The following EFCAB6 variants were observed in gnomAD, a reference collection of about 807,000 sequenced individuals.
EFCAB6 encodes EF-hand calcium binding domain 6.
Under a neutral mutation model 169.8 loss-of-function variants are expected in EFCAB6, and 156 were observed. The observed-to-expected ratio is 0.92, with a 90% CI of 0.81 to 1.05. EFCAB6 has a LOEUF of 1.05. EFCAB6 is among the 50% of genes least tolerant of loss of function. The pLI, the probability that EFCAB6 is intolerant of heterozygous loss-of-function variation, is 0.00. For synonymous variants in EFCAB6, 698 were observed against 676.4 expected (o/e 1.03, Z -0.50); for missense variants, 1,800 against 1,829.1 (o/e 0.98, Z 0.29).
intron 17 of EFCAB6, among the ~76,000 whole-genome samples, chr22:43,639,849 T>C (rs1453495425): frequency 6.6e-6 from 1 of 152,160 alleles, no homozygotes; most frequent in Non-Finnish European, 1.5e-5. Context: ...AAAAAATTTT[T>C]CTCTCTCCTC....
intron 4 of EFCAB6, among the ~76,000 whole-genome samples, chr22:43,768,040 G>C (rs2147944613): frequency 6.6e-6 from 1 of 152,346 alleles, no homozygotes; most frequent in Middle Eastern, 3.4e-3. Flanking sequence ...TATCTTGCAA[G>C]AAGACATTTT....
At chr22:43,691,761 A>G (rs994631023) in intron 10 of EFCAB6, among the ~76,000 whole-genome samples, 9 of 152,210 alleles carry the variant, frequency 5.9e-5, no homozygotes, top group Non-Finnish European at 1.0e-4. Flanking sequence ...TCTTCCAATA[A>G]TGGTAAAATA....
rs1188677409 is a variant in EFCAB6 at position 43,572,713 on chromosome 22, T to A, written c.3420+3584A>T. 6.6e-6 allele frequency among the ~76,000 whole-genome samples: 1 copy of A among 152,190 alleles called. No individual in the cohort carries two copies. Among genetic ancestry groups the A allele is most frequent in the African/African-American group, 2.4e-5 (1 of 41,454 alleles). Reference sequence around the variant, plus strand: ...TCACCCCTCGACAGGCCCTCCCTTCTGCTCTGCTCCATTTTTCTCCCAGCT... The same window carrying A: ...TCACCCCTCGACAGGCCCTCCCTTCAGCTCTGCTCCATTTTTCTCCCAGCT... On this transcript the variant is annotated intron_variant, in intron 26 of 31. Transcript: ENST00000262726. This position sits in a 1 kb window ranked among gnomAD's most constrained non-coding sequence, Gnocchi z 4.0.
chr22:43,766,677 GCTGATT>G (rs2061336037), intron 4 of EFCAB6, among the ~76,000 whole-genome samples: 1 of 151,942 alleles, frequency 6.6e-6, no homozygotes, highest in Non-Finnish European at 1.5e-5. Context: ...ACCACACCCG[GCTGATT>G]TTTGTATTTT....
At chr22:43,689,020 G>A (rs888047445) in intron 10 of EFCAB6, among the ~76,000 whole-genome samples, 4 of 152,124 alleles carry the variant, frequency 2.6e-5, no homozygotes, top group Admixed American at 1.3e-4. Context: ...TGGTATGCTT[G>A]AGTCCCAACC....
chr22:43,629,806 G>T (rs1377108830), intron 19 of EFCAB6, among the ~76,000 whole-genome samples: 1 of 152,084 alleles, frequency 6.6e-6, no homozygotes, highest in East Asian at 1.9e-4. Flanking sequence ...GGGGTGAGGG[G>T]TCTTGTGGGC....
chr22:43,602,161 G>A (rs988590955), intron 22 of EFCAB6, among the ~76,000 whole-genome samples: 1 of 152,254 alleles, frequency 6.6e-6, no homozygotes, highest in African/African-American at 2.4e-5. Flanking sequence ...TCTCAGGACA[G>A]TGCCCCGCCC....
intron 27 of EFCAB6, 127 bp from the exon 28 acceptor site, chr22:43,540,484 G>C: frequency 3.9e-6 from 6 of 1,526,638 alleles, no homozygotes; most frequent in African/African-American, 1.4e-5. Flanking sequence ...TGGTGAAGAA[G>C]AAAATTAAAA....
chr22:43,528,809 C>G lies in EFCAB6; in HGVS notation c.*44G>C. Reference sequence around the variant, plus strand: ...TTATAGGATTTTATTAGCCTTGAAACAGGCCCTGTGGCTGTCGTCCCGCTG... The same window carrying G: ...TTATAGGATTTTATTAGCCTTGAAAGAGGCCCTGTGGCTGTCGTCCCGCTG... On this transcript the variant is annotated 3_prime_UTR_variant, in exon 32 of 32. Coordinates refer to ENST00000262726, the MANE Select transcript of EFCAB6 (RefSeq NM_022785.4). 6.5e-7 allele frequency: 1 copy of G among 1,535,532 alleles called. No individual in the cohort carries two copies. The highest frequency in any genetic ancestry group is 8.9e-7 in the Non-Finnish European group (1 of 1,125,368).
chr22:43,645,032 C>A (rs534676109), intron 17 of EFCAB6, among the ~76,000 whole-genome samples: 3 of 152,304 alleles, frequency 2.0e-5, no homozygotes, highest in Admixed American at 2.0e-4. Context: ...TAGTAGGAAT[C>A]CGGAAGTATT....
At chr22:43,679,368 AT>A (rs1198882140) in intron 12 of EFCAB6, among the ~76,000 whole-genome samples, 1 of 152,040 alleles carries the variant, frequency 6.6e-6, no homozygotes, top group Non-Finnish European at 1.5e-5. Context: ...ACATTGCCAG[AT>A]TTTGTTTATT....
chr22:43,620,187 C>A (rs2054020282), intron 20 of EFCAB6, among the ~76,000 whole-genome samples: 1 of 151,990 alleles, frequency 6.6e-6, no homozygotes, highest in South Asian at 2.1e-4. Context: ...ATGGTGCTCA[C>A]CTGTGATTGC....
At chr22:43,548,231 T>C (rs1010807436) in intron 27 of EFCAB6, among the ~76,000 whole-genome samples, 2 of 152,142 alleles carry the variant, frequency 1.3e-5, no homozygotes, top group African/African-American at 2.4e-5. Flanking sequence ...AATGAGATTA[T>C]TAGACTGTAT....
chr22:43,794,292 T>G (rs2062417899), intron 2 of EFCAB6, among the ~76,000 whole-genome samples: 1 of 152,224 alleles, frequency 6.6e-6, no homozygotes, highest in African/African-American at 2.4e-5. Flanking sequence ...GGGCACTGGG[T>G]GTTATCTCAT....
intron 6 of EFCAB6, among the ~76,000 whole-genome samples, chr22:43,743,589 C>A (rs1208921481): frequency 6.6e-6 from 1 of 152,208 alleles, no homozygotes; most frequent in Non-Finnish European, 1.5e-5. Flanking sequence ...GTGCTTCACA[C>A]ACGGAACACG....
At chr22:43,733,550 A>C (rs553838269) in intron 7 of EFCAB6, among the ~76,000 whole-genome samples, 1 of 152,250 alleles carries the variant, frequency 6.6e-6, no homozygotes, top group South Asian at 2.1e-4. Flanking sequence ...TCTGCTGCCT[A>C]AATGGAACAG....
rs143693620 is a variant in EFCAB6 at position 43,657,848 on chromosome 22, C to T, written c.1983+9256G>A. On this transcript the variant is annotated intron_variant, in intron 17 of 31. Coordinates refer to ENST00000262726, the MANE Select transcript of EFCAB6 (RefSeq NM_022785.4). ...GACTAACAAAACTGACAGACCTCAA[C>T]GTCTGCCTCTGGATAGGATGGAGCA... 4.2e-3 allele frequency among the ~76,000 whole-genome samples: 636 copies of T among 152,280 alleles called. 2 individuals are homozygous for T. Among genetic ancestry groups the T allele is most frequent in the African/African-American group, 0.014 (601 of 41,566 alleles).
At chr22:43,739,780 C>T (rs539505873) in intron 6 of EFCAB6, among the ~76,000 whole-genome samples, 42 of 152,078 alleles carry the variant, frequency 2.8e-4, no homozygotes, top group African/African-American at 1.0e-3. Context: ...TGTCTTACCA[C>T]CCCCACCCCG....
chr22:43,531,244 CCCACTTCACAGAT>C (rs1327766423), intron 30 of EFCAB6, among the ~76,000 whole-genome samples: 4 of 152,138 alleles, frequency 2.6e-5, no homozygotes, highest in Admixed American at 6.5e-5. Flanking sequence ...GGTCTCTATC[CCCACTTCACAGAT>C]TAGGAAGTGG....
Sources: allele counts gnomAD v4.1 joint callset (sites outside exome capture counted in the v4.1 genomes callset), GRCh38; gene constraint gnomAD v4.1.1; non-coding constraint Gnocchi (gnomAD v3.1); transcripts MANE v1.5; gene names NCBI Gene and HGNC (gene_info 2026-07-23, HGNC 2026-07-21).